ARHGAP15: variants seen among roughly 807,000 people sequenced by gnomAD.
ARHGAP15 encodes the protein rho GTPase-activating protein 15.
In ARHGAP15, 51 loss-of-function variants were observed where a neutral mutation model predicts 63.7. The observed-to-expected ratio is 0.80, with a 90% confidence interval of 0.64 to 1.01. The LOEUF is 1.01. Among genes scored for constraint, ARHGAP15 ranks in the 50% least tolerant of loss-of-function variants. The probability of loss-of-function intolerance (pLI) is 0.00; values close to 1 mark genes in which losing one functional copy is unlikely to be tolerated. For synonymous variants in ARHGAP15, 191 were observed against 193.8 expected (o/e 0.99, Z 0.12); for missense variants, 560 against 564.6 (o/e 0.99, Z 0.08).
intron 6 of ARHGAP15, among the ~76,000 whole-genome samples, chr2:143,426,975 A>C (rs73003341): frequency 0.032 from 4,858 of 152,224 alleles, 262 homozygotes; most frequent in African/African-American, 0.11. Flanking sequence ...AAGGCATTCA[A>C]GTTGCTGTTT....
At chr2:143,142,016 C>T (rs1209252113) in intron 1 of ARHGAP15, among the ~76,000 whole-genome samples, 2 of 152,056 alleles carry the variant, frequency 1.3e-5, no homozygotes, top group South Asian at 2.1e-4. Context: ...CTGTCTCTTA[C>T]CATACACACC....
intron 6 of ARHGAP15, among the ~76,000 whole-genome samples, chr2:143,362,562 A>G (rs73962402): frequency 0.014 from 2,098 of 152,346 alleles, 45 homozygotes; most frequent in African/African-American, 0.048. Flanking sequence ...AGTCTTGACC[A>G]TAGATCTTCA....
intron 6 of ARHGAP15, among the ~76,000 whole-genome samples, chr2:143,380,313 G>A (rs1434385331): frequency 1.3e-5 from 2 of 152,038 alleles, no homozygotes; most frequent in Admixed American, 1.3e-4. Context: ...TTAATAACAG[G>A]AATAGCTACC....
chr2:143,601,947 T>C (rs542586083), intron 11 of ARHGAP15, among the ~76,000 whole-genome samples: 2 of 152,330 alleles, frequency 1.3e-5, no homozygotes, highest in East Asian at 3.9e-4. Context: ...CATAAAACAG[T>C]AAGGCATTCA....
chr2:143,720,074 G>T, intron 13 of ARHGAP15, among the ~76,000 whole-genome samples: 1 of 152,024 alleles, frequency 6.6e-6, no homozygotes, highest in East Asian at 1.9e-4. Flanking sequence ...TTTTTTCCAA[G>T]AAATGGTAAT....
At chr2:143,166,809 CT>C (rs757213719) in intron 2 of ARHGAP15, among the ~76,000 whole-genome samples, 67 of 152,206 alleles carry the variant, frequency 4.4e-4, no homozygotes, top group African/African-American at 1.6e-3. Context: ...CCCTTGCGCA[CT>C]TTGACCTATT....
chr2:143,621,381 G>T (rs1008291577), intron 11 of ARHGAP15, among the ~76,000 whole-genome samples: 1 of 94,966 alleles, frequency 1.1e-5, no homozygotes, highest in African/African-American at 2.9e-5. Flanking sequence ...TAGGGTTATG[G>T]TTAGTTCATC....
intron 13 of ARHGAP15, among the ~76,000 whole-genome samples, chr2:143,756,040 A>C (rs916765586): frequency 6.6e-6 from 1 of 152,152 alleles, no homozygotes; most frequent in Non-Finnish European, 1.5e-5. Flanking sequence ...GATGATACCC[A>C]AATTGCAACT....
chr2:143,552,026 C>A (rs1695588742), intron 10 of ARHGAP15, among the ~76,000 whole-genome samples: 1 of 152,108 alleles, frequency 6.6e-6, no homozygotes, highest in Non-Finnish European at 1.5e-5. Flanking sequence ...TGAGGACAAC[C>A]TGAGTGTTCC....
At chr2:143,423,400 C>A (rs1201301494) in intron 6 of ARHGAP15, among the ~76,000 whole-genome samples, 5 of 152,104 alleles carry the variant, frequency 3.3e-5, no homozygotes, top group African/African-American at 1.2e-4. Context: ...TTAGTATTAA[C>A]CTAAGCCAAT....
chr2:143,264,817 C>T (rs1443486291), intron 6 of ARHGAP15, among the ~76,000 whole-genome samples: 4 of 151,952 alleles, frequency 2.6e-5, no homozygotes, highest in East Asian at 1.9e-4. Context: ...CCGGTATTAA[C>T]GGACCTTGGA....
chr2:143,590,059 C>T (rs1216019165), intron 11 of ARHGAP15, among the ~76,000 whole-genome samples: 4 of 152,114 alleles, frequency 2.6e-5, no homozygotes, highest in African/African-American at 9.7e-5. Context: ...TTTGTATTTG[C>T]TCCATGAAGC....
intron 10 of ARHGAP15, among the ~76,000 whole-genome samples, chr2:143,549,844 T>A (rs1247419373): frequency 6.6e-6 from 1 of 152,202 alleles, no homozygotes; most frequent in Non-Finnish European, 1.5e-5. Context: ...GCCTATTGTC[T>A]ACTCACCACC....
chr2:143,700,235 A>G (rs1234267222), intron 12 of ARHGAP15, among the ~76,000 whole-genome samples: 2 of 152,204 alleles, frequency 1.3e-5, no homozygotes, highest in Non-Finnish European at 2.9e-5. Context: ...CTGTTGGCTT[A>G]ACGGACTTGA....
chr2:143,441,475 TACAC>T (rs1689879034), intron 8 of ARHGAP15, among the ~76,000 whole-genome samples: 1 of 152,226 alleles, frequency 6.6e-6, no homozygotes, highest in Non-Finnish European at 1.5e-5. Flanking sequence ...ACTATTCCTT[TACAC>T]AAAGTTCTAG....
chr2:143,370,669 G>T (rs1686510235), intron 6 of ARHGAP15, among the ~76,000 whole-genome samples: 1 of 152,074 alleles, frequency 6.6e-6, no homozygotes, highest in Admixed American at 6.6e-5. Flanking sequence ...TTCAACAATA[G>T]TTAGAATTCT....
At chr2:143,684,017 T>TA (rs1191226762) in intron 12 of ARHGAP15, among the ~76,000 whole-genome samples, 12 of 151,768 alleles carry the variant, frequency 7.9e-5, no homozygotes, top group Non-Finnish European at 1.5e-4. Flanking sequence ...GAAGAAAACT[T>TA]AAAAAAAAAT....
intron 13 of ARHGAP15, among the ~76,000 whole-genome samples, chr2:143,711,527 G>C (rs961667326): frequency 6.6e-6 from 1 of 152,216 alleles, no homozygotes; most frequent in East Asian, 1.9e-4. Flanking sequence ...GGAAGGATTA[G>C]AGAATTAGGA....
At chr2:143,753,307 C>T (rs1238947140) in intron 13 of ARHGAP15, among the ~76,000 whole-genome samples, 2 of 152,128 alleles carry the variant, frequency 1.3e-5, no homozygotes, top group Non-Finnish European at 1.5e-5. Flanking sequence ...TCTAAGTGGC[C>T]CATCTCTGCA....
Sources: allele counts gnomAD v4.1 joint callset (sites outside exome capture counted in the v4.1 genomes callset), GRCh38; gene constraint gnomAD v4.1.1; transcripts MANE v1.5; gene names NCBI Gene and HGNC (gene_info 2026-07-23, HGNC 2026-07-21).